Variants in INPP4B observed in about 807,000 individuals in gnomAD.
INPP4B encodes the protein inositol polyphosphate 4-phosphatase type II.
INPP4B carries 55 observed loss-of-function variants against 122.5 expected under a neutral mutation model. The observed-to-expected ratio is 0.45, with a 90% CI of 0.36 to 0.56. The LOEUF is 0.56. INPP4B is among the 20% of genes least tolerant of loss of function. INPP4B has a pLI of 0.00. For synonymous variants in INPP4B, 403 were observed against 388.7 expected, an observed-to-expected ratio of 1.04 and a Z score of -0.43; for missense variants, 1,000 against 1,097.7, an observed-to-expected ratio of 0.91 and a Z score of 1.26.
intron 2 of INPP4B, among the ~76,000 whole-genome samples, chr4:142,548,477 C>T (rs1283069307): frequency 2.0e-5 from 3 of 152,114 alleles, no homozygotes; most frequent in Admixed American, 6.6e-5. Context: ...GTGCTCTTGT[C>T]GTATAGAGGG....
chr4:142,162,988 T>A (rs1042057221), intron 16 of INPP4B, among the ~76,000 whole-genome samples: 5 of 151,808 alleles, frequency 3.3e-5, no homozygotes, highest in Admixed American at 6.6e-5. Context: ...CTGAAAAAAA[T>A]TTAATTTTTT....
At chr4:142,630,124 T>G (rs1032588063) in intron 2 of INPP4B, among the ~76,000 whole-genome samples, 9 of 152,114 alleles carry the variant, frequency 5.9e-5, no homozygotes, top group South Asian at 2.1e-4. Context: ...GTTCCCGCCA[T>G]GATGAAAAAG....
intron 5 of INPP4B, among the ~76,000 whole-genome samples, chr4:142,423,118 T>C (rs1285899963): frequency 1.3e-5 from 2 of 152,226 alleles, no homozygotes; most frequent in African/African-American, 2.4e-5. Flanking sequence ...CAGAGCTCTA[T>C]AATCATTTAT....
chr4:142,324,916 C>T (rs1292042805), intron 7 of INPP4B, among the ~76,000 whole-genome samples: 2 of 152,184 alleles, frequency 1.3e-5, no homozygotes, highest in Non-Finnish European at 2.9e-5. Flanking sequence ...AATACAACTG[C>T]TGAAAGCTTT....
At chr4:142,362,308 C>T (rs373171683) in intron 7 of INPP4B, among the ~76,000 whole-genome samples, 1 of 152,026 alleles carries the variant, frequency 6.6e-6, no homozygotes, top group African/African-American at 2.4e-5. Flanking sequence ...TACCTTGAGG[C>T]ACTCAGTTTG....
intron 2 of INPP4B, among the ~76,000 whole-genome samples, chr4:142,693,259 A>C (rs990599435): frequency 1.6e-4 from 25 of 151,978 alleles, no homozygotes; most frequent in Non-Finnish European, 2.8e-4. Context: ...AGAATGGCTG[A>C]TGGCAGTTGC....
intron 7 of INPP4B, among the ~76,000 whole-genome samples, chr4:142,321,662 C>A (rs1212469132): frequency 6.6e-6 from 1 of 152,004 alleles, no homozygotes; most frequent in African/African-American, 2.4e-5. Flanking sequence ...GCCAATTGTT[C>A]CGGCACCATT....
At chr4:142,831,199 C>A (rs17016810) in intron 1 of INPP4B, among the ~76,000 whole-genome samples, 15,248 of 152,116 alleles carry the variant, frequency 0.1, 2,517 homozygotes, top group African/African-American at 0.34. Flanking sequence ...AAATCGAGTA[C>A]TAAATTCCAA....
intron 1 of INPP4B, among the ~76,000 whole-genome samples, chr4:142,778,144 G>A (rs1416386274): frequency 2.6e-5 from 4 of 152,166 alleles, no homozygotes; most frequent in Non-Finnish European, 5.9e-5. Context: ...ACAACATGCT[G>A]TAAGCTTCAG....
At chr4:142,382,721 T>C (rs1056731807) in intron 7 of INPP4B, among the ~76,000 whole-genome samples, 1 of 148,120 alleles carries the variant, frequency 6.8e-6, no homozygotes, top group Admixed American at 6.8e-5. Flanking sequence ...CATTTACCTG[T>C]AACCAACAAA....
In INPP4B at chr4:142,212,568, T is replaced by C. The variant is rs192572336; in HGVS notation, c.837-3542A>G. Among the ~76,000 whole-genome samples, 466 of 152,320 alleles carry C rather than the reference T, an allele frequency of 3.1e-3. 5 individuals are homozygous for C. The highest frequency in any genetic ancestry group is 3.2e-3 in the Non-Finnish European group (219 of 68,034). ...TTGTGGCAGTAGCCCTATCTCCTCA[T>C]GGTGGTGAGCATGGATATCTCACAC... is the stretch of plus-strand genomic sequence containing the variant. On this transcript the variant is annotated intron_variant, in intron 12 of 25. Transcript: ENST00000262992.
chr4:142,751,227 A>C (rs892694857), intron 1 of INPP4B, among the ~76,000 whole-genome samples: 12 of 151,742 alleles, frequency 7.9e-5, no homozygotes, highest in Non-Finnish European at 1.6e-4. Context: ...ATGGGCAAAC[A>C]GAAAGTTTTG....
chr4:142,697,561 A>G (rs1001382708), intron 2 of INPP4B, among the ~76,000 whole-genome samples: 7 of 152,218 alleles, frequency 4.6e-5, no homozygotes, highest in Non-Finnish European at 7.3e-5. Context: ...GATTTGGACA[A>G]TGGATTCTTG....
At chr4:142,275,503 C>T (rs1579557677) in intron 9 of INPP4B, among the ~76,000 whole-genome samples, 1 of 151,834 alleles carries the variant, frequency 6.6e-6, no homozygotes, top group African/African-American at 2.4e-5. Flanking sequence ...CTCACCCAAA[C>T]ATAAAAATAA....
At chr4:142,479,449 C>T (rs190370613) in intron 2 of INPP4B, among the ~76,000 whole-genome samples, 1 of 152,242 alleles carries the variant, frequency 6.6e-6, no homozygotes, top group Admixed American at 6.5e-5. Context: ...ACCCAGCAGG[C>T]TCATTATTTG....
chr4:142,323,812 T>A (rs1195198555), intron 7 of INPP4B, among the ~76,000 whole-genome samples: 1 of 151,384 alleles, frequency 6.6e-6, no homozygotes, highest in Admixed American at 6.6e-5. Flanking sequence ...AGCAGACAGG[T>A]GCCCCCTTTT....
chr4:142,178,851 T>A (rs1399824423), intron 15 of INPP4B, among the ~76,000 whole-genome samples: 26 of 111,480 alleles, frequency 2.3e-4, no homozygotes, highest in African/African-American at 4.8e-4. Context: ...AAAAAAAAAA[T>A]GTGGTCTCTT....
chr4:142,507,954 C>T (rs950740481), intron 2 of INPP4B, among the ~76,000 whole-genome samples: 1 of 152,148 alleles, frequency 6.6e-6, no homozygotes, highest in Non-Finnish European at 1.5e-5. Context: ...AAATTTCAGA[C>T]AGGTTTTTAC....
chr4:142,334,349 A>G (rs1235873380), intron 7 of INPP4B, among the ~76,000 whole-genome samples: 1 of 152,170 alleles, frequency 6.6e-6, no homozygotes, highest in Non-Finnish European at 1.5e-5. Flanking sequence ...TTCATCCATC[A>G]GAGGATACTC....
Sources: allele counts gnomAD v4.1 joint callset (sites outside exome capture counted in the v4.1 genomes callset), GRCh38; gene constraint gnomAD v4.1.1; transcripts MANE v1.5; gene names NCBI Gene and HGNC (gene_info 2026-07-23, HGNC 2026-07-21).